The following ZNF804B variants were observed in gnomAD, a reference collection of about 807,000 sequenced individuals.
ZNF804B encodes the protein zinc finger 804B.
Under a neutral mutation model 101.4 loss-of-function variants are expected in ZNF804B, and 80 were observed. That is an observed-to-expected ratio of 0.79 (90% CI 0.66 to 0.95). The LOEUF (loss-of-function observed/expected upper bound fraction) is 0.95, where lower values mean the gene tolerates loss of function less well. ZNF804B is among the 40% of genes least tolerant of loss of function. The pLI is 0.00. For synonymous variants in ZNF804B, 622 were observed against 558.8 expected, an observed-to-expected ratio of 1.11 and a Z score of -1.59; for missense variants, 1,673 against 1,561.9, an observed-to-expected ratio of 1.07 and a Z score of -1.20.
intron 1 of ZNF804B, among the ~76,000 whole-genome samples, chr7:88,926,106 G>C (rs1298037121): frequency 6.6e-6 from 1 of 152,084 alleles, no homozygotes; most frequent in Non-Finnish European, 1.5e-5. Flanking sequence ...TGGAAATACT[G>C]TGACTATGGA....
intron 2 of ZNF804B, among the ~76,000 whole-genome samples, chr7:89,299,344 C>A (rs1790443524): frequency 6.6e-6 from 1 of 151,918 alleles, no homozygotes; most frequent in Admixed American, 6.6e-5. Context: ...TGTTATTTTG[C>A]ATATAAAAAA....
intron 1 of ZNF804B, among the ~76,000 whole-genome samples, chr7:88,776,555 GTTTTGT>G (rs1562790515): frequency 3.8e-5 from 4 of 106,456 alleles, no homozygotes; most frequent in African/African-American, 6.6e-5. Context: ...TTCTCGTGGT[GTTTTGT>G]TTTTTTTTTT....
chr7:89,133,935 A>G (rs1790591356), intron 1 of ZNF804B, among the ~76,000 whole-genome samples: 1 of 152,066 alleles, frequency 6.6e-6, no homozygotes, highest in South Asian at 2.1e-4. Flanking sequence ...AATATGCAGA[A>G]AGCATTTTCT....
intron 1 of ZNF804B, among the ~76,000 whole-genome samples, chr7:89,137,163 CA>C (rs1398836789): frequency 6.6e-6 from 1 of 151,916 alleles, no homozygotes; most frequent in African/African-American, 2.4e-5. Flanking sequence ...AAAAGATACA[CA>C]AAAATATGGA....
chr7:89,006,330 G>A (rs1788368543), intron 1 of ZNF804B, among the ~76,000 whole-genome samples: 1 of 151,874 alleles, frequency 6.6e-6, no homozygotes, highest in Non-Finnish European at 1.5e-5. Context: ...ACAATATCGT[G>A]CCTCTTATCA....
chr7:89,047,996 G>A (rs1398523125), intron 1 of ZNF804B, among the ~76,000 whole-genome samples: 3 of 151,708 alleles, frequency 2.0e-5, no homozygotes, highest in Non-Finnish European at 4.4e-5. Context: ...AACAGGTGGT[G>A]TTTTCTTACA....
At chr7:88,951,858 T>C (rs1410198325) in intron 1 of ZNF804B, among the ~76,000 whole-genome samples, 1 of 151,794 alleles carries the variant, frequency 6.6e-6, no homozygotes, top group African/African-American at 2.4e-5. Flanking sequence ...TTTTCTTCAA[T>C]AAATGATGAA....
rs577537845 is a variant in ZNF804B at position 88,982,908 on chromosome 7, A to T, written c.108+222824A>T. 1.7e-3 allele frequency among the ~76,000 whole-genome samples: 255 copies of T among 152,170 alleles called. 1 individual carries two copies. Among genetic ancestry groups the T allele is most frequent in the African/African-American group, 5.9e-3 (244 of 41,534 alleles). On this transcript the variant is annotated intron_variant, in intron 1 of 3. Transcript: ENST00000333190. ...GATCACCAAGTCCTCCAAACTCCCA[A>T]GAGAGACAGCTGAAATGCTTCCAGT...
chr7:88,863,453 G>C (rs1791679954), intron 1 of ZNF804B, among the ~76,000 whole-genome samples: 1 of 152,126 alleles, frequency 6.6e-6, no homozygotes, highest in African/African-American at 2.4e-5. Context: ...TCCAGACACT[G>C]GAGTTACATG....
At chr7:89,173,755 T>A (rs771991792) in intron 1 of ZNF804B, among the ~76,000 whole-genome samples, 1 of 96,238 alleles carries the variant, frequency 1.0e-5, no homozygotes, top group Non-Finnish European at 2.6e-5. Flanking sequence ...TATCCATCCA[T>A]CCATCCATCC....
At chr7:89,204,934 C>A (rs551880203) in intron 1 of ZNF804B, among the ~76,000 whole-genome samples, 1 of 152,188 alleles carries the variant, frequency 6.6e-6, no homozygotes, top group Non-Finnish European at 1.5e-5. Flanking sequence ...ATGCTGCTAA[C>A]AAAGACATAC....
In ZNF804B at chr7:88,783,938, A is replaced by G. The variant is rs1476219567; in HGVS notation, c.108+23854A>G. On this transcript the variant is annotated intron_variant, in intron 1 of 3. Coordinates refer to ENST00000333190, the MANE Select transcript of ZNF804B (RefSeq NM_181646.5). ...AAGTTTAATGAATATACATTTAATG[A>G]ATATACATTACAAGTTTCATGAATA... Among the ~76,000 whole-genome samples the G allele has an allele frequency of 5.3e-5, 8 of 152,320 alleles. No homozygotes were observed. In the South Asian group the frequency reaches 8.3e-4, roughly 16 times the overall value.
chr7:88,890,041 CA>C (rs1792192995), intron 1 of ZNF804B, among the ~76,000 whole-genome samples: 3 of 151,954 alleles, frequency 2.0e-5, no homozygotes, highest in Admixed American at 2.0e-4. Flanking sequence ...AGTCCTTTAA[CA>C]AAATTGGAAA....
At chr7:88,898,659 A>T (rs1188214285) in intron 1 of ZNF804B, among the ~76,000 whole-genome samples, 1 of 152,000 alleles carries the variant, frequency 6.6e-6, no homozygotes, top group Non-Finnish European at 1.5e-5. Context: ...CTCAGTCTTT[A>T]CCTTCCCCTT....
At chr7:89,026,035 G>A (rs1029212226) in intron 1 of ZNF804B, among the ~76,000 whole-genome samples, 4 of 151,904 alleles carry the variant, frequency 2.6e-5, no homozygotes, top group Admixed American at 6.6e-5. Context: ...CTTATTACAT[G>A]GTTTACTTTT....
intron 1 of ZNF804B, among the ~76,000 whole-genome samples, chr7:88,959,846 C>T (rs1347732915): frequency 4.0e-5 from 6 of 151,428 alleles, no homozygotes; most frequent in Admixed American, 3.3e-4. Flanking sequence ...CCATCCCATG[C>T]CAGGGGAAAC....
chr7:89,186,630 TC>T (rs1251039142), intron 1 of ZNF804B, among the ~76,000 whole-genome samples: 23 of 152,162 alleles, frequency 1.5e-4, no homozygotes, highest in African/African-American at 4.3e-4. Flanking sequence ...TTTACAATCT[TC>T]TTTTGTATAT....
intron 1 of ZNF804B, among the ~76,000 whole-genome samples, chr7:88,842,811 C>G (rs751142389): frequency 3.9e-5 from 6 of 152,176 alleles, no homozygotes; most frequent in Non-Finnish European, 7.3e-5. Flanking sequence ...AGAAACTCAC[C>G]TGGTACCCTC....
At chr7:88,864,240 T>G (rs1266198282) in intron 1 of ZNF804B, among the ~76,000 whole-genome samples, 1 of 152,220 alleles carries the variant, frequency 6.6e-6, no homozygotes, top group Non-Finnish European at 1.5e-5. Flanking sequence ...TTCAAATGCC[T>G]AGTGTAATAA....
Sources: gnomAD v4.1 joint callset for allele counts (sites outside exome capture counted in the v4.1 genomes callset) on GRCh38, gnomAD v4.1.1 for gene constraint, MANE v1.5 for transcripts, NCBI Gene and HGNC (gene_info 2026-07-23, HGNC 2026-07-21) for gene names.